Variants in LYN observed in about 807,000 individuals in gnomAD.
LYN encodes tyrosine-protein kinase Lyn.
In LYN, 12 loss-of-function variants were observed where a neutral mutation model predicts 65.0. The ratio of observed to expected loss-of-function variants is 0.18; its 90% CI spans 0.12 to 0.30. The LOEUF is 0.30. Ranked by LOEUF, LYN falls within the 10% of genes least tolerant of loss-of-function variation. The probability of loss-of-function intolerance (pLI) is 1.00; values close to 1 mark genes in which losing one functional copy is unlikely to be tolerated. For missense variants in LYN, 380 were observed against 623.2 expected (o/e 0.61, Z 4.16); for synonymous variants, 222 against 221.2 (o/e 1.00, Z -0.03).
intron 1 of LYN, among the ~76,000 whole-genome samples, chr8:55,922,280 G>T (rs1000788133): frequency 2.0e-5 from 3 of 151,872 alleles, no homozygotes; most frequent in Non-Finnish European, 1.5e-5. Context: ...TATAGAGAGG[G>T]GGTCTCACTG....
At chr8:55,936,529 A>G (rs572212418) in intron 1 of LYN, among the ~76,000 whole-genome samples, 1 of 152,290 alleles carries the variant, frequency 6.6e-6, no homozygotes, top group African/African-American at 2.4e-5. Context: ...AATCCCAGCT[A>G]CCTGGGAGGC....
chr8:55,897,888 G>A (rs570299896), intron 1 of LYN, among the ~76,000 whole-genome samples: 2 of 152,096 alleles, frequency 1.3e-5, no homozygotes, highest in East Asian at 3.9e-4. Context: ...ACTCCAGCCT[G>A]CGTGACAGTG....
chr8:55,927,706 G>A (rs1806146733), intron 1 of LYN, among the ~76,000 whole-genome samples: 1 of 152,012 alleles, frequency 6.6e-6, no homozygotes, highest in Admixed American at 6.6e-5. Flanking sequence ...GTGGTGGCGG[G>A]TGCCTGTAAT....
chr8:55,936,000 T>C (rs1342399767), intron 1 of LYN, among the ~76,000 whole-genome samples: 2 of 152,128 alleles, frequency 1.3e-5, no homozygotes, highest in South Asian at 2.1e-4. Flanking sequence ...GTTTCTCTAA[T>C]CTGAGTCTCC....
rs149812274 is a variant in LYN, at chr8:55,907,891, A to C, written c.-6+27788A>C. On this transcript the variant is annotated intron_variant, in intron 1 of 12. Transcript: ENST00000519728. The stretch of plus-strand genomic sequence containing the variant: ...ACATAAATAAGTAAGTAGTTTAAAT[A>C]AATAAATAAATACAAATTTTTAAAA... 5.3e-5 allele frequency among the ~76,000 whole-genome samples: 8 copies of C among 152,292 alleles called. 1 individual carries two copies. The East Asian group carries it at 1.5e-3, about 29-fold the overall frequency.
At chr8:55,925,119 G>A (rs111441103) in intron 1 of LYN, among the ~76,000 whole-genome samples, 4,267 of 151,502 alleles carry the variant, frequency 0.028, 123 homozygotes, top group African/African-American at 0.072. Flanking sequence ...CACCGTGCCC[G>A]GCCTCTTTTT....
chr8:55,983,811 A>AT (rs1807997917), intron 10 of LYN, among the ~76,000 whole-genome samples: 1 of 151,840 alleles, frequency 6.6e-6, no homozygotes, highest in South Asian at 2.1e-4. Context: ...CTTTCAACCT[A>AT]TTTTTTCTCC....
intron 12 of LYN, among the ~76,000 whole-genome samples, chr8:56,002,441 T>G (rs1028401476): frequency 6.8e-6 from 1 of 147,198 alleles, no homozygotes; most frequent in Non-Finnish European, 1.5e-5. Context: ...AAAAAAAGAA[T>G]AAAATAAAAT....
chr8:55,988,278 T>C (rs1808136350), intron 10 of LYN, among the ~76,000 whole-genome samples: 1 of 148,886 alleles, frequency 6.7e-6, no homozygotes, highest in Non-Finnish European at 1.5e-5. Context: ...CTTAAACTTT[T>C]TGCAAACTCC....
At chr8:55,981,091 C>T (rs546436159) in intron 10 of LYN, among the ~76,000 whole-genome samples, 1 of 152,222 alleles carries the variant, frequency 6.6e-6, no homozygotes, top group African/African-American at 2.4e-5. Context: ...ACTGATTCCT[C>T]AGCACTGAGC....
At position 55,999,124 on chromosome 8, in the gene LYN, C is replaced by T. The variant is rs73590370; in HGVS notation, c.1205-294C>T. Among the ~76,000 whole-genome samples the T allele has an allele frequency of 5.6e-3, 852 of 152,250 alleles. 7 individuals carry two copies. The highest frequency in any genetic ancestry group is 0.019 in the African/African-American group (793 of 41,544). On this transcript the variant is annotated intron_variant, in intron 11 of 12. Transcript: ENST00000519728. Reference sequence around the variant, plus strand: ...ATGACTGAGGATTCTTATGCTCTCACCCACGAGAGCTGAGCAAATATTTTT... The same window carrying T: ...ATGACTGAGGATTCTTATGCTCTCATCCACGAGAGCTGAGCAAATATTTTT...
At chr8:55,939,542 A>G (rs1378182028) in intron 1 of LYN, among the ~76,000 whole-genome samples, 1 of 148,300 alleles carries the variant, frequency 6.7e-6, no homozygotes, top group Non-Finnish European at 1.5e-5. Context: ...TGGGGGGGGG[A>G]CAGGGGATTC....
intron 9 of LYN, 73 bp from the exon 10 acceptor site, chr8:55,969,644 G>A: frequency 9.2e-7 from 1 of 1,084,248 alleles, no homozygotes; most frequent in Admixed American, 1.7e-5. Context: ...TAATAGTAAT[G>A]ATGATGTGAA....
At chr8:55,951,509 T>TA (rs1291345655) in intron 6 of LYN, among the ~76,000 whole-genome samples, 5 of 151,814 alleles carry the variant, frequency 3.3e-5, no homozygotes, top group Admixed American at 6.6e-5. Context: ...TATAAGAAAT[T>TA]AAAAAATTAG....
At chr8:55,944,422 C>T (rs1806716137) in intron 2 of LYN, among the ~76,000 whole-genome samples, 1 of 152,102 alleles carries the variant, frequency 6.6e-6, no homozygotes, top group Non-Finnish European at 1.5e-5. Context: ...TTTTCTCATA[C>T]CATATGCTAT....
chr8:55,893,157 T>C (rs1190900004), intron 1 of LYN, among the ~76,000 whole-genome samples: 1 of 152,246 alleles, frequency 6.6e-6, no homozygotes, highest in Non-Finnish European at 1.5e-5. Flanking sequence ...TCGTCCTGTT[T>C]TACCCTGGCG....
chr8:56,006,385 G>C (rs558711869), intron 12 of LYN, among the ~76,000 whole-genome samples: 14 of 152,246 alleles, frequency 9.2e-5, no homozygotes, highest in African/African-American at 2.4e-4. Flanking sequence ...AGGGTATCTA[G>C]CTCTTCCTGA....
rs1158928613 is a variant in LYN, at chr8:56,003,055, G to GT, written c.1336+3512dup. Among the ~76,000 whole-genome samples, 493 of 147,374 alleles carry GT rather than the reference G, an allele frequency of 3.3e-3. 2 individuals are homozygous for GT. Among genetic ancestry groups the GT allele is most frequent in the African/African-American group, 0.012 (462 of 39,708 alleles). On this transcript the variant is annotated intron_variant, in intron 12 of 12. Coordinates refer to ENST00000519728, the MANE Select transcript of LYN (RefSeq NM_002350.4). ...GCAGTAAACTGCTGGCTATGTTTTT[G>GT]TTTTTTGTTTTTTTTTTTTTTTGAG... is the stretch of plus-strand genomic sequence containing the variant.
At chr8:55,909,003 A>G (rs1333629085) in intron 1 of LYN, among the ~76,000 whole-genome samples, 1 of 25,454 alleles carries the variant, frequency 3.9e-5, no homozygotes, top group East Asian at 1.5e-3. Flanking sequence ...ATATATATAT[A>G]TATATATACA....
Sources: allele counts gnomAD v4.1 joint callset (sites outside exome capture counted in the v4.1 genomes callset), GRCh38; gene constraint gnomAD v4.1.1; transcripts MANE v1.5; gene names NCBI Gene and HGNC (gene_info 2026-07-23, HGNC 2026-07-21).